RPH3AL: variants seen among roughly 807,000 people sequenced by gnomAD.
The protein encoded by RPH3AL is rabphilin 3A like (without C2 domains).
Under a neutral mutation model 43.1 loss-of-function variants are expected in RPH3AL, and 38 were observed. The observed-to-expected ratio is 0.88, with a 90% CI of 0.68 to 1.15. The LOEUF (loss-of-function observed/expected upper bound fraction) is 1.15, where lower values mean the gene tolerates loss of function less well. Ranked by LOEUF, RPH3AL falls within the 50% of genes most tolerant of loss-of-function variation. The pLI is 0.00. For synonymous variants in RPH3AL, 189 were observed against 176.3 expected (o/e 1.07, Z -0.57); for missense variants, 462 against 423.2 (o/e 1.09, Z -0.81).
At chr17:239,197 C>T (rs7217872) in intron 7 of RPH3AL, among the ~76,000 whole-genome samples, 15,717 of 152,200 alleles carry the variant, frequency 0.1, 867 homozygotes, top group Admixed American at 0.14. Flanking sequence ...AGGTAGTCAG[C>T]GCACCTGTCC....
chr17:268,711 C>A (rs572947868), intron 6 of RPH3AL, among the ~76,000 whole-genome samples: 2 of 151,336 alleles, frequency 1.3e-5, no homozygotes, highest in East Asian at 3.9e-4. Flanking sequence ...CTAGACATGC[C>A]CCCACTACAC....
intron 7 of RPH3AL, among the ~76,000 whole-genome samples, chr17:230,653 A>T (rs1367821546): frequency 6.6e-6 from 1 of 152,190 alleles, no homozygotes; most frequent in East Asian, 1.9e-4. Flanking sequence ...TGTGGTCTGC[A>T]CTGTCAGGGA....
At position 275,249 on chromosome 17, in the gene RPH3AL, CAAAA is replaced by C. The variant is rs1006332907; in HGVS notation, c.438+6515_438+6518del. On this transcript the variant is annotated intron_variant, in intron 6 of 9. Transcript: ENST00000331302. The stretch of plus-strand genomic sequence containing the variant: ...TCATAACAGCAAAAAAAACAAAAAA[CAAAA>C]AAAGGAGAGTAACCAAAATGATCAC... Among the ~76,000 whole-genome samples, 6 of 86,548 alleles carry C rather than the reference CAAAA, an allele frequency of 6.9e-5. No homozygotes were observed. The South Asian group carries it at 2.8e-3, about 40-fold the overall frequency. 56.8% of individuals were successfully genotyped at this position (86,548 alleles called of 152,430 possible). A position where few individuals can be genotyped will look rare whatever the true frequency, so the allele number is the denominator to read the frequency against.
chr17:245,262 CGTGGATGTCA>C lies in RPH3AL; in HGVS notation c.613+1839_613+1848del, dbSNP rs2041726941. 8.2e-6 allele frequency among the ~76,000 whole-genome samples: 1 copy of C among 121,570 alleles called. No individual in the cohort carries two copies. Among genetic ancestry groups the C allele is most frequent in the African/African-American group, 3.2e-5 (1 of 31,460 alleles). 79.8% of individuals were successfully genotyped at this position (121,570 alleles called of 152,430 possible). On this transcript the variant is annotated intron_variant, in intron 7 of 9. Transcript: ENST00000331302. The surrounding 1 kb of genome is among the most constrained non-coding windows in gnomAD (Gnocchi z 5.9). ...GTGGATGAGAGCATGTGTGTGTGCA[CGTGGATGTCA>C]GTGTGTGTGTACGTGGGTGTGTGTG...
intron 6 of RPH3AL, among the ~76,000 whole-genome samples, chr17:279,018 C>T (rs144531327): frequency 6.6e-6 from 1 of 152,306 alleles, no homozygotes; most frequent in African/African-American, 2.4e-5. Context: ...GGGCAGAATG[C>T]TCCAAGAGTT....
At chr17:266,208 G>A (rs1338763311) in intron 6 of RPH3AL, among the ~76,000 whole-genome samples, 2 of 149,136 alleles carry the variant, frequency 1.3e-5, no homozygotes, top group African/African-American at 4.9e-5. Context: ...CCAGTGGTGT[G>A]TGTGTGTGTG....
intron 7 of RPH3AL, among the ~76,000 whole-genome samples, chr17:237,905 T>C (rs2041437424): frequency 6.6e-6 from 1 of 152,038 alleles, no homozygotes; most frequent in Admixed American, 6.6e-5. Flanking sequence ...ACCAGAATTT[T>C]GGGAGGCTGA....
At chr17:327,354 AC>A (rs2044643008) in intron 3 of RPH3AL, 112 bp downstream of exon 3, 1 of 920,762 alleles carries the variant, frequency 1.1e-6, no homozygotes, top group Non-Finnish European at 1.8e-6. Flanking sequence ...TCCGACAGGC[AC>A]CTCTCTCCAA....
chr17:213,690 C>T lies in RPH3AL; in HGVS notation c.*162G>A. 1.5e-6 allele frequency: 1 copy of T among 658,436 alleles called. No individual in the cohort carries two copies. Among genetic ancestry groups the T allele is most frequent in the East Asian group, 2.7e-5 (1 of 36,642 alleles). The allele number at this position is 658,436 out of a possible 1,614,324, so 40.8% of individuals were successfully genotyped here. A position where few individuals can be genotyped will look rare whatever the true frequency, so the allele number is the denominator to read the frequency against. On this transcript the variant is annotated 3_prime_UTR_variant, in exon 10 of 10. Coordinates refer to ENST00000331302, the MANE Select transcript of RPH3AL (RefSeq NM_006987.4). ...ACAGCTCCCCAGGAGAGAAGGGGTG[C>T]AGAAAGGCACTGAGCTGGGGAGGCA...
intron 7 of RPH3AL, among the ~76,000 whole-genome samples, chr17:229,820 T>C (rs183117165): frequency 2.9e-4 from 44 of 152,198 alleles, no homozygotes; most frequent in Admixed American, 7.2e-4. Flanking sequence ...CTGCAGGTTG[T>C]GGGTCTGGAA....
chr17:345,284 G>GCAAA lies in RPH3AL; in HGVS notation c.-213+7424_-213+7427dup, dbSNP rs554155795. 4.4e-5 allele frequency among the ~76,000 whole-genome samples: 6 copies of GCAAA among 135,086 alleles called. 1 individual carries two copies. In the East Asian group the frequency reaches 9.6e-4, roughly 22 times the overall value. 88.6% of individuals were successfully genotyped at this position (135,086 alleles called of 152,430 possible). A position where few individuals can be genotyped will look rare whatever the true frequency, so the allele number is the denominator to read the frequency against. On this transcript the variant is annotated intron_variant, in intron 1 of 9. Transcript: ENST00000331302. ...TACAGAGTGAGACCCTGTCTCAAAG[G>GCAAA]CAAACAAACAAACAGAACACCCTAA... is the stretch of plus-strand genomic sequence containing the variant.
At chr17:342,605 C>A (rs1268672499) in intron 1 of RPH3AL, among the ~76,000 whole-genome samples, 1 of 152,208 alleles carries the variant, frequency 6.6e-6, no homozygotes, top group Non-Finnish European at 1.5e-5. Flanking sequence ...TCACAAAAAA[C>A]CACATATATG....
At chr17:269,124 C>A (rs1033838325) in intron 6 of RPH3AL, among the ~76,000 whole-genome samples, 3 of 152,108 alleles carry the variant, frequency 2.0e-5, no homozygotes, top group Admixed American at 6.5e-5. Context: ...ATAATCCGCC[C>A]GCCTTGGCTT....
chr17:288,837 C>G (rs1197174542), intron 5 of RPH3AL, among the ~76,000 whole-genome samples: 1 of 18,240 alleles, frequency 5.5e-5, no homozygotes, highest in Admixed American at 6.0e-4. Flanking sequence ...GACCTCGCAC[C>G]CTCTCTCCAC....
chr17:316,069 G>T (rs62054976), intron 5 of RPH3AL, among the ~76,000 whole-genome samples: 16,505 of 81,722 alleles, frequency 0.2, 258 homozygotes, highest in East Asian at 0.3. Flanking sequence ...CTCCAGTGAT[G>T]TGTAGTCCCT....
chr17:262,154 G>A (rs1428387371), intron 6 of RPH3AL, among the ~76,000 whole-genome samples: 2 of 152,122 alleles, frequency 1.3e-5, no homozygotes, highest in Non-Finnish European at 2.9e-5. Context: ...TCCTTGGGGT[G>A]GTCTAGGGGT....
chr17:281,998 A>G (rs1474954837), intron 5 of RPH3AL, 144 bp from the exon 6 acceptor site: 2 of 660,722 alleles, frequency 3.0e-6, no homozygotes, highest in Admixed American at 2.5e-5. Flanking sequence ...ATCACCCCAG[A>G]GGCACAGCTC....
intron 7 of RPH3AL, among the ~76,000 whole-genome samples, chr17:228,097 G>A (rs957727839): frequency 1.3e-5 from 2 of 152,156 alleles, no homozygotes; most frequent in Admixed American, 1.3e-4. Context: ...GCTCCATCTT[G>A]GTGGCAGCTG....
intron 5 of RPH3AL, among the ~76,000 whole-genome samples, chr17:296,668 G>T (rs1377991462): frequency 6.6e-6 from 1 of 152,222 alleles, no homozygotes; most frequent in Non-Finnish European, 1.5e-5. Flanking sequence ...GGGCTGTGGG[G>T]GCAGTCAGAA....
Sources: gnomAD v4.1 joint callset for allele counts (sites outside exome capture counted in the v4.1 genomes callset) on GRCh38, gnomAD v4.1.1 for gene constraint, Gnocchi (gnomAD v3.1) non-coding constraint, MANE v1.5 for transcripts, NCBI Gene and HGNC (gene_info 2026-07-23, HGNC 2026-07-21) for gene names.